Variants in RANBP17 observed in about 807,000 individuals in gnomAD.
The protein encoded by RANBP17 is RAN binding protein 17.
RANBP17 carries 158 observed loss-of-function variants against 141.2 expected under a neutral mutation model. The ratio of observed to expected loss-of-function variants is 1.12; its 90% confidence interval spans 0.98 to 1.28. The LOEUF is 1.28. RANBP17 is among the 50% of genes most tolerant of loss of function. RANBP17 has a pLI of 0.00. For missense variants in RANBP17, 1,438 were observed against 1,290.7 expected, an observed-to-expected ratio of 1.11 and a Z score of -1.75; for synonymous variants, 430 against 450.0, an observed-to-expected ratio of 0.96 and a Z score of 0.56.
chr5:170,869,795 C>A (rs1334049237), intron 1 of RANBP17, among the ~76,000 whole-genome samples: 2 of 152,030 alleles, frequency 1.3e-5, no homozygotes, highest in Non-Finnish European at 2.9e-5. Context: ...CAAATAAGGT[C>A]ACATTTATAG....
chr5:171,174,486 A>G (rs1760305464), intron 16 of RANBP17, among the ~76,000 whole-genome samples: 1 of 152,222 alleles, frequency 6.6e-6, no homozygotes, highest in South Asian at 2.1e-4. Context: ...AAGTAAACTT[A>G]CTTATTTTAA....
At chr5:171,254,773 G>A (rs1403081102) in intron 24 of RANBP17, among the ~76,000 whole-genome samples, 4 of 152,230 alleles carry the variant, frequency 2.6e-5, no homozygotes, top group Non-Finnish European at 4.4e-5. Flanking sequence ...GCAATCAGGC[G>A]TTGGATGTTC....
intron 12 of RANBP17, among the ~76,000 whole-genome samples, chr5:170,950,388 C>A (rs1356059697): frequency 5.4e-4 from 79 of 145,536 alleles, no homozygotes; most frequent in Admixed American, 1.2e-3. Flanking sequence ...AAAACAAAAA[C>A]AAAAAAAAAA....
chr5:171,103,880 G>C (rs1787358716), intron 14 of RANBP17, among the ~76,000 whole-genome samples: 1 of 152,158 alleles, frequency 6.6e-6, no homozygotes, highest in South Asian at 2.1e-4. Context: ...GCACTTCCTG[G>C]GTGAGGTGGT....
chr5:171,177,701 T>C (rs1250484049), intron 16 of RANBP17, among the ~76,000 whole-genome samples: 1 of 152,204 alleles, frequency 6.6e-6, no homozygotes, highest in South Asian at 2.1e-4. Flanking sequence ...TAAATGTTAA[T>C]TCCCTTCATT....
intron 14 of RANBP17, among the ~76,000 whole-genome samples, chr5:171,017,815 T>C (rs772072055): frequency 1.3e-5 from 2 of 152,240 alleles, no homozygotes; most frequent in Non-Finnish European, 2.9e-5. Context: ...GTTTTCATCA[T>C]GAAGTCTTTG....
intron 14 of RANBP17, among the ~76,000 whole-genome samples, chr5:171,012,540 T>G (rs560702466): frequency 3.3e-5 from 5 of 152,272 alleles, no homozygotes; most frequent in Admixed American, 3.3e-4. Flanking sequence ...TCTCACTCTT[T>G]ACTGAGAAGA....
intron 16 of RANBP17, among the ~76,000 whole-genome samples, chr5:171,174,516 G>A (rs377654293): frequency 6.6e-6 from 1 of 152,118 alleles, no homozygotes; most frequent in East Asian, 1.9e-4. Flanking sequence ...ACGGAGAAGA[G>A]TATCACATTT....
intron 24 of RANBP17, chr5:171,252,970 T>C: frequency 7.0e-7 from 1 of 1,426,916 alleles, no homozygotes; most frequent in Non-Finnish European, 9.9e-7. Flanking sequence ...CATCCTTTTC[T>C]ATCAGTCTCG....
intron 14 of RANBP17, among the ~76,000 whole-genome samples, chr5:171,087,179 G>A (rs1375943162): frequency 6.7e-6 from 1 of 150,140 alleles, no homozygotes; most frequent in Non-Finnish European, 1.5e-5. Context: ...GTTCTCATTG[G>A]TTTCAAAGAA....
At chr5:171,151,163 T>C (rs762108882) in intron 14 of RANBP17, among the ~76,000 whole-genome samples, 46 of 152,196 alleles carry the variant, frequency 3.0e-4, no homozygotes, top group Non-Finnish European at 3.7e-4. Flanking sequence ...AAATAGACCT[T>C]AAAGATGCTA....
intron 24 of RANBP17, among the ~76,000 whole-genome samples, chr5:171,256,757 A>G (rs1260056656): frequency 6.6e-6 from 1 of 152,188 alleles, no homozygotes; most frequent in Admixed American, 6.5e-5. Flanking sequence ...ATGAAAGATC[A>G]TCAGAGACTA....
rs933689522 is a variant in RANBP17 at position 171,229,853 on chromosome 5, G to A, written c.2422+8013G>A. 4.0e-5 allele frequency among the ~76,000 whole-genome samples: 6 copies of A among 151,144 alleles called. No individual in the cohort carries two copies. In the South Asian group the frequency reaches 1.3e-3, roughly 32 times the overall value. On this transcript the variant is annotated intron_variant, in intron 22 of 27. Transcript: ENST00000523189. Reference sequence around the variant, plus strand: ...GGCCAGGGCGAGTGGGTCACCTGAGGTTGGGAGTTCAAGACCAGCCTGACC... The same window carrying A: ...GGCCAGGGCGAGTGGGTCACCTGAGATTGGGAGTTCAAGACCAGCCTGACC...
intron 14 of RANBP17, among the ~76,000 whole-genome samples, chr5:171,064,166 C>T (rs1355347162): frequency 6.6e-6 from 1 of 152,160 alleles, no homozygotes; most frequent in East Asian, 1.9e-4. Flanking sequence ...TGCGCTGCAC[C>T]CACTGTCCTG....
In RANBP17 at chr5:171,244,357, A is replaced by T. The variant is rs141762260; in HGVS notation, c.2776+1537A>T. ...CGCACCACTGCACTCCAGCCTGGGC[A>T]ACGAACGAAACTCCATCTCAAAAAC... On this transcript the variant is annotated intron_variant, in intron 24 of 27. Coordinates refer to ENST00000523189, the MANE Select transcript of RANBP17 (RefSeq NM_022897.5). Among the ~76,000 whole-genome samples, 71 of 152,318 alleles carry T rather than the reference A, an allele frequency of 4.7e-4. 1 individual carries two copies. The highest frequency in any genetic ancestry group is 1.5e-3 in the African/African-American group (64 of 41,588).
chr5:171,148,913 T>C (rs1758277827), intron 14 of RANBP17, among the ~76,000 whole-genome samples: 1 of 152,222 alleles, frequency 6.6e-6, no homozygotes, highest in Non-Finnish European at 1.5e-5. Context: ...GTGCTTAGCA[T>C]AGTGCTTGCC....
chr5:171,042,934 T>C (rs1180098578), intron 14 of RANBP17, among the ~76,000 whole-genome samples: 1 of 152,116 alleles, frequency 6.6e-6, no homozygotes. Context: ...TATAAAGTAA[T>C]TTGATTAAAA....
chr5:170,947,546 A>G (rs999834182), intron 12 of RANBP17, among the ~76,000 whole-genome samples: 2 of 152,218 alleles, frequency 1.3e-5, no homozygotes, highest in Admixed American at 1.3e-4. Context: ...ATGGCTTATC[A>G]GGTAACAATT....
intron 5 of RANBP17, chr5:170,896,919 A>G (rs1770176898): frequency 9.1e-6 from 6 of 662,674 alleles, no homozygotes; most frequent in African/African-American, 1.8e-5. Context: ...CCAGCTGACT[A>G]TGCACCAGAA....
Sources: gnomAD v4.1 joint callset for allele counts (sites outside exome capture counted in the v4.1 genomes callset) on GRCh38, gnomAD v4.1.1 for gene constraint, MANE v1.5 for transcripts, NCBI Gene and HGNC (gene_info 2026-07-23, HGNC 2026-07-21) for gene names.